Variants in UBE2H observed in about 807,000 individuals in gnomAD.
UBE2H encodes ubiquitin-conjugating enzyme E2 H.
A neutral mutation model predicts 29.0 loss-of-function variants in UBE2H; 3 were observed. The observed-to-expected ratio is 0.10, with a 90% CI of 0.05 to 0.27. The LOEUF is 0.27. UBE2H is among the 10% of genes least tolerant of loss of function. The pLI is 1.00. For missense variants in UBE2H, 68 were observed against 228.2 expected (o/e 0.30, Z 4.52); for synonymous variants, 69 against 82.9 (o/e 0.83, Z 0.91).
intron 5 of UBE2H, among the ~76,000 whole-genome samples, chr7:129,854,729 T>G (rs954621938): frequency 6.6e-6 from 1 of 152,176 alleles, no homozygotes. Context: ...CCAAGAGAAA[T>G]GCAAACATGT....
At position 129,878,682 on chromosome 7, in the gene UBE2H, CAAAAAAAAAAA is replaced by C. The variant is rs772936668; in HGVS notation, c.205+875_205+885del. Among the ~76,000 whole-genome samples the C allele has an allele frequency of 5.2e-3, 390 of 75,134 alleles. 1 individual carries two copies. Among genetic ancestry groups the C allele is most frequent in the Middle Eastern group, 0.036 (3 of 84 alleles). 49.3% of individuals were successfully genotyped at this position (75,134 alleles called of 152,430 possible). On this transcript the variant is annotated intron_variant, in intron 3 of 6. Transcript: ENST00000355621. ...TGGGCGACAGAGTGAGACTCCGTCT[CAAAAAAAAAAA>C]AAAAAAAAAAAAGCCCACAGCAGTA...
At chr7:129,893,684 A>G (rs1348713799) in intron 1 of UBE2H, among the ~76,000 whole-genome samples, 1 of 152,264 alleles carries the variant, frequency 6.6e-6, no homozygotes, top group African/African-American at 2.4e-5. Context: ...TATCGATGAA[A>G]TATCAATAGC....
chr7:129,943,374 T>C (rs1214852845), intron 1 of UBE2H, among the ~76,000 whole-genome samples: 3 of 152,370 alleles, frequency 2.0e-5, no homozygotes, highest in East Asian at 1.9e-4. Context: ...TTTTGCCATG[T>C]AGCTCAGGCT....
At chr7:129,935,769 G>C (rs917453806) in intron 1 of UBE2H, among the ~76,000 whole-genome samples, 15 of 152,110 alleles carry the variant, frequency 9.9e-5, no homozygotes, top group African/African-American at 3.6e-4. Context: ...ATGACTACTA[G>C]TAAAACTGAT....
chr7:129,922,895 G>A (rs1400319433), intron 1 of UBE2H, among the ~76,000 whole-genome samples: 5 of 151,724 alleles, frequency 3.3e-5, no homozygotes, highest in Admixed American at 3.3e-4. Context: ...TTGTATCTGA[G>A]ATTTTTCTTT....
rs1278086249 is a variant in UBE2H, at chr7:129,831,445, C to T, written c.*3492G>A. On this transcript the variant is annotated 3_prime_UTR_variant, in exon 7 of 7. Coordinates refer to ENST00000355621, the MANE Select transcript of UBE2H (RefSeq NM_003344.4). Reference sequence around the variant, plus strand: ...GGATCTGTCTTTCATGATTCTCAGCCATCCCAACGGGAGGCCTAACATAAA... The same window carrying T: ...GGATCTGTCTTTCATGATTCTCAGCTATCCCAACGGGAGGCCTAACATAAA... The T allele has an allele frequency of 6.6e-6, 1 of 152,184 alleles. No homozygotes were observed. Among genetic ancestry groups the T allele is most frequent in the African/African-American group, 2.4e-5 (1 of 41,456 alleles). 9.4% of individuals were successfully genotyped at this position (152,184 alleles called of 1,614,324 possible).
chr7:129,945,345 T>C (rs995272726), intron 1 of UBE2H, among the ~76,000 whole-genome samples: 2 of 152,256 alleles, frequency 1.3e-5, no homozygotes, highest in Non-Finnish European at 2.9e-5. Context: ...CTCATAAATA[T>C]ATTTAACCTA....
At chr7:129,946,197 C>T (rs904077715) in intron 1 of UBE2H, among the ~76,000 whole-genome samples, 5 of 151,784 alleles carry the variant, frequency 3.3e-5, no homozygotes, top group Admixed American at 6.6e-5. Context: ...GGACTACAGG[C>T]GCCCGCCACC....
intron 1 of UBE2H, among the ~76,000 whole-genome samples, chr7:129,908,133 G>A (rs971925943): frequency 7.9e-5 from 12 of 152,126 alleles, no homozygotes; most frequent in Admixed American, 3.3e-4. Context: ...AGAGTTCCTC[G>A]ACATTTCTTC....
At chr7:129,945,163 A>G (rs1215722448) in intron 1 of UBE2H, among the ~76,000 whole-genome samples, 9 of 152,206 alleles carry the variant, frequency 5.9e-5, no homozygotes. Context: ...GGGAAGATAA[A>G]TATGTCTCCT....
At chr7:129,928,325 A>G (rs1387290316) in intron 1 of UBE2H, among the ~76,000 whole-genome samples, 3 of 150,678 alleles carry the variant, frequency 2.0e-5, no homozygotes, top group African/African-American at 7.3e-5. Context: ...ACTTATGGCC[A>G]GGCACGGTGG....
chr7:129,837,299 C>A (rs1315359940), intron 6 of UBE2H, among the ~76,000 whole-genome samples: 1 of 152,088 alleles, frequency 6.6e-6, no homozygotes, highest in Non-Finnish European at 1.5e-5. Flanking sequence ...GCCCAGGGAC[C>A]GAGTCCTAAG....
Position 129,952,612 on chromosome 7 carries a change from C to G in UBE2H, c.-57G>C, listed in dbSNP as rs1807904032. On this transcript the variant is annotated 5_prime_UTR_variant, in exon 1 of 7. Coordinates refer to ENST00000355621, the MANE Select transcript of UBE2H (RefSeq NM_003344.4). Reference sequence around the variant, plus strand: ...CCCGTCTGTCACGGGCCCGGGGCCCCGGCTCTGAGGAGCCCGCGGCCGCGC... The same window carrying G: ...CCCGTCTGTCACGGGCCCGGGGCCCGGGCTCTGAGGAGCCCGCGGCCGCGC... 2 of 1,595,598 alleles carry G rather than the reference C, an allele frequency of 1.3e-6. No homozygotes were observed. The highest frequency in any genetic ancestry group is 1.1e-5 in the South Asian group (1 of 89,722).
rs745754500 is a variant in UBE2H, at chr7:129,911,536, G to A, written c.54-30565C>T. On this transcript the variant is annotated intron_variant, in intron 1 of 6. Coordinates refer to ENST00000355621, the MANE Select transcript of UBE2H (RefSeq NM_003344.4). ...CAGTATTGGACATGCAAGGTTTTAG[G>A]GGCCTGTTGGGATCGTCTTGGAGAG... Among the ~76,000 whole-genome samples, 7 of 152,238 alleles carry A rather than the reference G, an allele frequency of 4.6e-5. No individual in the cohort carries two copies. The South Asian group carries it at 1.0e-3, about 23-fold the overall frequency.
Position 129,831,413 on chromosome 7 carries a change from T to G in UBE2H, c.*3524A>C, listed in dbSNP as rs1805224509. On this transcript the variant is annotated 3_prime_UTR_variant, in exon 7 of 7. Transcript: ENST00000355621. ...GTCCAGAAACTTGACCCACAGAGGC[T>G]AGCGGAGGATCTGTCTTTCATGATT... 6.6e-6 allele frequency: 1 copy of G among 152,210 alleles called. No homozygotes were observed. The highest frequency in any genetic ancestry group is 1.5e-5 in the Non-Finnish European group (1 of 68,044). The allele number at this position is 152,210 out of a possible 1,614,324, so 9.4% of individuals were successfully genotyped here. A position where few individuals can be genotyped will look rare whatever the true frequency, so the allele number is the denominator to read the frequency against.
intron 1 of UBE2H, among the ~76,000 whole-genome samples, chr7:129,950,559 T>G (rs1031770191): frequency 2.0e-5 from 3 of 152,114 alleles, no homozygotes; most frequent in African/African-American, 7.2e-5. Context: ...CCCCCCTCTT[T>G]ATCCTCAATC....
chr7:129,835,442 G>A (rs1269156993), intron 6 of UBE2H, among the ~76,000 whole-genome samples: 1 of 152,106 alleles, frequency 6.6e-6, no homozygotes, highest in Non-Finnish European at 1.5e-5. Flanking sequence ...AATTTATAAG[G>A]AAATCCTTCA....
intron 1 of UBE2H, among the ~76,000 whole-genome samples, chr7:129,918,342 T>G (rs573646345): frequency 1.3e-5 from 2 of 151,964 alleles, no homozygotes; most frequent in African/African-American, 4.8e-5. Context: ...ATGAAAGACA[T>G]TGTCCAAAAA....
At chr7:129,923,342 A>G (rs929217725) in intron 1 of UBE2H, among the ~76,000 whole-genome samples, 2 of 152,194 alleles carry the variant, frequency 1.3e-5, no homozygotes, top group Non-Finnish European at 2.9e-5. Flanking sequence ...AAAGATCTAC[A>G]GTCATATCCA....
Sources: gnomAD v4.1 joint callset for allele counts (sites outside exome capture counted in the v4.1 genomes callset) on GRCh38, gnomAD v4.1.1 for gene constraint, MANE v1.5 for transcripts, NCBI Gene and HGNC (gene_info 2026-07-23, HGNC 2026-07-21) for gene names.